SLC9C2: variants seen among roughly 807,000 people sequenced by gnomAD.
The protein encoded by SLC9C2 is sodium/hydrogen exchanger 11.
A neutral mutation model predicts 140.2 loss-of-function variants in SLC9C2; 75 were observed. The observed-to-expected ratio is 0.53, with a 90% CI of 0.44 to 0.65. The LOEUF (loss-of-function observed/expected upper bound fraction) is 0.65. SLC9C2 is among the 30% of genes least tolerant of loss of function. The probability of loss-of-function intolerance (pLI) is 0.00; values close to 1 mark genes in which losing one functional copy is unlikely to be tolerated. For missense variants in SLC9C2, 1,074 were observed against 1,331.8 expected, an observed-to-expected ratio of 0.81 and a Z score of 3.01; for synonymous variants, 375 against 420.9, an observed-to-expected ratio of 0.89 and a Z score of 1.34.
chr1:173,600,875 A>G (rs527953004), intron 2 of SLC9C2, among the ~76,000 whole-genome samples: 2 of 152,342 alleles, frequency 1.3e-5, no homozygotes, highest in South Asian at 4.1e-4. Flanking sequence ...GGTAAAATTG[A>G]AGGAGTTTAT....
intron 23 of SLC9C2, among the ~76,000 whole-genome samples, chr1:173,511,380 T>C (rs923223521): frequency 6.6e-6 from 1 of 152,096 alleles, no homozygotes; most frequent in African/African-American, 2.4e-5. Flanking sequence ...GAGATGGTAT[T>C]TCATTGCGGT....
chr1:173,568,773 T>G (rs1396170599), intron 9 of SLC9C2, among the ~76,000 whole-genome samples: 1 of 152,170 alleles, frequency 6.6e-6, no homozygotes, highest in African/African-American at 2.4e-5. Context: ...TCCTGAAAAT[T>G]TGTTGAAATT....
At chr1:173,536,734 C>T (rs1236609015) in intron 14 of SLC9C2, among the ~76,000 whole-genome samples, 2 of 151,988 alleles carry the variant, frequency 1.3e-5, no homozygotes, top group African/African-American at 4.8e-5. Flanking sequence ...GGTTATAAAA[C>T]TTTAGAGGAA....
At chr1:173,560,900 G>C (rs375704009) in intron 9 of SLC9C2, among the ~76,000 whole-genome samples, 1 of 151,994 alleles carries the variant, frequency 6.6e-6, no homozygotes, top group Non-Finnish European at 1.5e-5. Context: ...AGGTTCAAGC[G>C]ATTCTCCTGC....
intron 8 of SLC9C2, among the ~76,000 whole-genome samples, chr1:173,575,925 T>C (rs1040140792): frequency 1.3e-5 from 2 of 152,166 alleles, no homozygotes; most frequent in Admixed American, 1.3e-4. Flanking sequence ...TACCATCTTC[T>C]ATCATTGGAA....
chr1:173,594,413 T>C (rs1666337661), intron 4 of SLC9C2, among the ~76,000 whole-genome samples: 1 of 152,202 alleles, frequency 6.6e-6, no homozygotes, highest in Admixed American at 6.5e-5. Flanking sequence ...TCACTATGTA[T>C]TCCATAACTA....
chr1:173,551,744 C>G (rs1301098679), intron 11 of SLC9C2, among the ~76,000 whole-genome samples: 2 of 152,130 alleles, frequency 1.3e-5, no homozygotes, highest in Admixed American at 6.5e-5. Flanking sequence ...CTCTCTCGCT[C>G]TCTCCTTGGA....
In SLC9C2 at chr1:173,601,984, CTT is replaced by C. The variant is rs1263645308; in HGVS notation, c.-79-131_-79-130del. On this transcript the variant is annotated intron_variant, in intron 1 of 27. Coordinates refer to ENST00000367714, the MANE Select transcript of SLC9C2 (RefSeq NM_178527.4). ...TGTCACAGGGCACACATTAATACCT[CTT>C]GTCCTACCCCTTGCTCCAAGAACAT... 8.9e-6 allele frequency: 5 copies of C among 559,096 alleles called. No individual in the cohort carries two copies. The East Asian group carries it at 1.6e-4, about 18-fold the overall frequency. 34.6% of individuals were successfully genotyped at this position (559,096 alleles called of 1,614,324 possible). A position where few individuals can be genotyped will look rare whatever the true frequency, so the allele number is the denominator to read the frequency against.
intron 8 of SLC9C2, among the ~76,000 whole-genome samples, chr1:173,575,395 C>A (rs1478254557): frequency 6.6e-6 from 1 of 152,028 alleles, no homozygotes; most frequent in Non-Finnish European, 1.5e-5. Flanking sequence ...ATAATTATGT[C>A]AACAGACAGC....
chr1:173,504,907 G>A (rs906217110), intron 26 of SLC9C2, among the ~76,000 whole-genome samples: 1 of 152,216 alleles, frequency 6.6e-6, no homozygotes, highest in South Asian at 2.1e-4. Context: ...CTGGGCTCCT[G>A]TGAAAGAGTC....
At position 173,524,856 on chromosome 1, in the gene SLC9C2, C is replaced by T. The variant is rs762233389; in HGVS notation, c.2437G>A (p.Ala813Thr). 1.2e-6 allele frequency: 2 copies of T among 1,613,944 alleles called. No homozygotes were observed. Among genetic ancestry groups the T allele is most frequent in the Non-Finnish European group, 1.7e-6 (2 of 1,179,984 alleles). Residue 813 changes from alanine (A) to threonine (T), a missense_variant, in exon 20 of 28, where the codon GCT becomes ACT. By Grantham distance (58) the Ala-to-Thr change is moderately conservative (BLOSUM62 0). Coordinates refer to ENST00000367714, the MANE Select transcript of SLC9C2 (RefSeq NM_178527.4). ...AAGGTGAGATTTTTTAGAGCTTTAG[C>T]AATCACATTCCGGATTGCCTGTTTA... Reference protein sequence around the residue: ...KTKQAIRNVIAKALKNLTFLC... With the variant: ...KTKQAIRNVITKALKNLTFLC...
chr1:173,578,956 C>A (rs1247157949), intron 7 of SLC9C2, among the ~76,000 whole-genome samples: 1 of 152,168 alleles, frequency 6.6e-6, no homozygotes, highest in Non-Finnish European at 1.5e-5. Context: ...TGGGGGGACA[C>A]AATTCAACCT....
At position 173,534,670 on chromosome 1, in the gene SLC9C2, A is replaced by C. The variant is rs931320728; in HGVS notation, c.1788T>G (p.Phe596Leu). The change falls in exon 16 of 28, where the codon TTT (phenylalanine) becomes TTG (leucine). Residue 596 changes from phenylalanine (F) to leucine (L), a missense_variant. Phe to Leu is a conservative substitution (Grantham distance 22). Coordinates refer to ENST00000367714, the MANE Select transcript of SLC9C2 (RefSeq NM_178527.4). The part of the protein sequence containing the change: ...IHFIPPESNT[F>L]LTFIFHIVFS... ...ATACTATGTGAAATATAAAAGTCAGAAATGTATTACTCCTGAAAAGAGATC... is the reference window on the plus strand; with the variant it reads ...ATACTATGTGAAATATAAAAGTCAGCAATGTATTACTCCTGAAAAGAGATC... 4.0e-6 allele frequency: 6 copies of C among 1,512,096 alleles called. No homozygotes were observed. The African/African-American group carries it at 5.7e-5, about 14-fold the overall frequency. 93.7% of individuals were successfully genotyped at this position (1,512,096 alleles called of 1,614,324 possible). A position where few individuals can be genotyped will look rare whatever the true frequency, so the allele number is the denominator to read the frequency against.
chr1:173,568,246 C>A (rs1005193595), intron 9 of SLC9C2, among the ~76,000 whole-genome samples: 1 of 152,094 alleles, frequency 6.6e-6, no homozygotes, highest in African/African-American at 2.4e-5. Context: ...AGCCCAGTAC[C>A]TAATAGTTAC....
chr1:173,595,060 T>C (rs1168112189), intron 4 of SLC9C2, among the ~76,000 whole-genome samples: 1 of 152,130 alleles, frequency 6.6e-6, no homozygotes, highest in African/African-American at 2.4e-5. Flanking sequence ...CCACCATGCC[T>C]GGCTAATTTT....
rs1183787821 is a variant in SLC9C2 at position 173,521,363 on chromosome 1, T to C, written c.2677A>G (p.Thr893Ala). The change falls in exon 22 of 28, where the codon ACC becomes GCC. Residue 893 changes from threonine to alanine, a missense_variant. Thr to Ala is a moderately conservative substitution (Grantham distance 58). Transcript: ENST00000367714. ...AKLACFDSGD[T>A]ICKGGEMPQG... is the part of the protein sequence containing the mutation. ...GGCATTTCACCTCCTTTACAAATGGTATCTCCAGAGTCAAAACAGGCAAGT... is the reference window on the plus strand; with the variant it reads ...GGCATTTCACCTCCTTTACAAATGGCATCTCCAGAGTCAAAACAGGCAAGT... The C allele has an allele frequency of 3.2e-6, 5 of 1,554,816 alleles. No individual in the cohort carries two copies. The highest frequency in any genetic ancestry group is 4.3e-6 in the Non-Finnish European group (5 of 1,158,494).
At chr1:173,586,010 TC>T (rs1665831477) in intron 5 of SLC9C2, among the ~76,000 whole-genome samples, 1 of 151,994 alleles carries the variant, frequency 6.6e-6, no homozygotes, top group African/African-American at 2.4e-5. Flanking sequence ...TCTACTGTAC[TC>T]CTTTTTTTGA....
intron 23 of SLC9C2, among the ~76,000 whole-genome samples, chr1:173,512,857 T>C (rs767455533): frequency 5.9e-5 from 9 of 152,232 alleles, no homozygotes; most frequent in Non-Finnish European, 8.8e-5. Context: ...GTTTTTAACA[T>C]GAAGGGATTT....
In SLC9C2 at chr1:173,522,603, A is replaced by C. The variant is rs563095800; in HGVS notation, c.2641-1204T>G. On this transcript the variant is annotated intron_variant, in intron 21 of 27. Coordinates refer to ENST00000367714, the MANE Select transcript of SLC9C2 (RefSeq NM_178527.4). Reference sequence around the variant, plus strand: ...ATAGAGAAAAATGTTTTAATAGATAATACTAATATATTCATTGTGATACTA... The same window carrying C: ...ATAGAGAAAAATGTTTTAATAGATACTACTAATATATTCATTGTGATACTA... 3.3e-5 allele frequency among the ~76,000 whole-genome samples: 5 copies of C among 152,352 alleles called. No homozygotes were observed. In the East Asian group the frequency reaches 9.6e-4, roughly 29 times the overall value.
Sources: allele counts gnomAD v4.1 joint callset (sites outside exome capture counted in the v4.1 genomes callset), GRCh38; gene constraint gnomAD v4.1.1; transcripts MANE v1.5; gene names NCBI Gene and HGNC (gene_info 2026-07-23, HGNC 2026-07-21).